HERPUD2: variants seen among roughly 807,000 people sequenced by gnomAD.
HERPUD2 encodes homocysteine-responsive endoplasmic reticulum-resident ubiquitin-like domain member 2 protein.
HERPUD2 carries 13 observed loss-of-function variants against 49.9 expected under a neutral mutation model. The observed-to-expected ratio is 0.26, with a 90% CI of 0.17 to 0.41. The LOEUF (loss-of-function observed/expected upper bound fraction) is 0.41. HERPUD2 is among the 10% of genes least tolerant of loss of function. The pLI is 1.00. For missense variants in HERPUD2, 449 were observed against 492.2 expected (o/e 0.91, Z 0.83); for synonymous variants, 172 against 171.4 (o/e 1.00, Z -0.03).
intron 5 of HERPUD2, among the ~76,000 whole-genome samples, chr7:35,667,066 G>A (rs903931451): frequency 5.9e-5 from 9 of 152,092 alleles, no homozygotes; most frequent in Non-Finnish European, 1.3e-4. Flanking sequence ...AATTAGTTAC[G>A]TAGATCCTTG....
intron 5 of HERPUD2, among the ~76,000 whole-genome samples, chr7:35,652,861 A>C (rs1030349307): frequency 2.0e-5 from 3 of 152,172 alleles, no homozygotes; most frequent in African/African-American, 4.8e-5. Flanking sequence ...CGGCCCTCCA[A>C]GAAATAATTA....
At chr7:35,687,315 A>T (rs1786084977) in intron 2 of HERPUD2, among the ~76,000 whole-genome samples, 2 of 152,184 alleles carry the variant, frequency 1.3e-5, no homozygotes, top group African/African-American at 4.8e-5. Context: ...TATAAATATA[A>T]TTGGCCTCTC....
At chr7:35,660,991 C>T (rs1412357747) in intron 5 of HERPUD2, among the ~76,000 whole-genome samples, 1 of 152,150 alleles carries the variant, frequency 6.6e-6, no homozygotes, top group Non-Finnish European at 1.5e-5. Flanking sequence ...AGGTTTTCTT[C>T]TTGGGTTTTT....
At chr7:35,686,380 G>A (rs1445126328) in intron 2 of HERPUD2, among the ~76,000 whole-genome samples, 4 of 147,660 alleles carry the variant, frequency 2.7e-5, no homozygotes, top group Non-Finnish European at 5.9e-5. Context: ...GTAGAGACGG[G>A]GTTTCACCGT....
intron 5 of HERPUD2, among the ~76,000 whole-genome samples, chr7:35,666,683 T>C (rs1368417583): frequency 6.6e-6 from 1 of 152,240 alleles, no homozygotes; most frequent in African/African-American, 2.4e-5. Context: ...CCAAACCATG[T>C]TCTCCAAGAT....
intron 6 of HERPUD2, among the ~76,000 whole-genome samples, chr7:35,637,186 G>T (rs1267505921): frequency 6.6e-6 from 1 of 151,084 alleles, no homozygotes; most frequent in Non-Finnish European, 1.5e-5. Flanking sequence ...TAGATAGATA[G>T]ATAGATAGAT....
chr7:35,642,860 G>C (rs1784988353), intron 5 of HERPUD2, among the ~76,000 whole-genome samples: 1 of 152,114 alleles, frequency 6.6e-6, no homozygotes, highest in Non-Finnish European at 1.5e-5. Context: ...CTGGGTACTA[G>C]GCTTAGTACC....
chr7:35,681,253 T>C lies in HERPUD2; in HGVS notation c.148-7975A>G, dbSNP rs1361821815. 1.1e-4 allele frequency among the ~76,000 whole-genome samples: 16 copies of C among 152,182 alleles called. No homozygotes were observed. In the South Asian group the frequency reaches 2.9e-3, roughly 28 times the overall value. On this transcript the variant is annotated intron_variant, in intron 2 of 8. Coordinates refer to ENST00000311350, the MANE Select transcript of HERPUD2 (RefSeq NM_022373.5). ...GCAAGGTCACATCAATTTTCAGAAATGTAGAACATACAAATGTAACAAAAT... is the reference window on the plus strand; with the variant it reads ...GCAAGGTCACATCAATTTTCAGAAACGTAGAACATACAAATGTAACAAAAT...
chr7:35,638,139 T>C (rs1784900923), intron 6 of HERPUD2, among the ~76,000 whole-genome samples: 1 of 152,222 alleles, frequency 6.6e-6, no homozygotes, highest in Non-Finnish European at 1.5e-5. Flanking sequence ...ATATTAAAAA[T>C]CTGAATACTG....
rs546081336 is a variant in HERPUD2, at chr7:35,667,377, G to A, written c.494+57C>T. 75 of 1,493,022 alleles carry A rather than the reference G, an allele frequency of 5.0e-5. No homozygotes were observed. The African/African-American group carries it at 9.0e-4, about 18-fold the overall frequency. 92.5% of individuals were successfully genotyped at this position (1,493,022 alleles called of 1,614,324 possible). A position where few individuals can be genotyped will look rare whatever the true frequency, so the allele number is the denominator to read the frequency against. ...AAAGAGGCTATAGTGAAACTCAAAA[G>A]CAATTCATTTTTAGGGGGCCCCAAT... On this transcript the variant is annotated intron_variant, in intron 5 of 8. Transcript: ENST00000311350.
intron 4 of HERPUD2, 47 bp downstream of exon 4, chr7:35,670,167 CG>C: frequency 1.1e-6 from 1 of 911,552 alleles, no homozygotes; most frequent in Non-Finnish European, 1.7e-6. Flanking sequence ...AAGACGACGA[CG>C]AAAAAAAAAG....
rs1411247677 is a variant in HERPUD2, at chr7:35,667,424, T to C, written c.494+10A>G. On this transcript the variant is annotated intron_variant, in intron 5 of 8. Coordinates refer to ENST00000311350, the MANE Select transcript of HERPUD2 (RefSeq NM_022373.5). ...CAATCACATTCCATAGCTACCACAA[T>C]TTCACTTACCCTTGCATTACATATG... 1.2e-6 allele frequency: 2 copies of C among 1,603,074 alleles called. No individual in the cohort carries two copies.
intron 2 of HERPUD2, among the ~76,000 whole-genome samples, chr7:35,686,314 A>G (rs961551547): frequency 1.6e-4 from 24 of 149,852 alleles, no homozygotes; most frequent in African/African-American, 5.9e-4. Flanking sequence ...TCACGTCCCA[A>G]GTAGCTGGGA....
At chr7:35,664,627 C>T (rs955114511) in intron 5 of HERPUD2, among the ~76,000 whole-genome samples, 3 of 152,192 alleles carry the variant, frequency 2.0e-5, no homozygotes, top group Non-Finnish European at 4.4e-5. Flanking sequence ...CTTCTCACTT[C>T]ATTTCATTCA....
At chr7:35,650,457 A>C (rs1785140090) in intron 5 of HERPUD2, among the ~76,000 whole-genome samples, 1 of 152,028 alleles carries the variant, frequency 6.6e-6, no homozygotes, top group Non-Finnish European at 1.5e-5. Context: ...AGGAGTTCAC[A>C]ATGGGTCCCA....
chr7:35,689,085 TA>T (rs1176465166), intron 2 of HERPUD2, among the ~76,000 whole-genome samples: 1 of 152,098 alleles, frequency 6.6e-6, no homozygotes, highest in African/African-American at 2.4e-5. Context: ...TTTATTATGT[TA>T]AAAAAAGAAA....
intron 5 of HERPUD2, among the ~76,000 whole-genome samples, chr7:35,655,378 T>C (rs1481866653): frequency 6.6e-6 from 1 of 152,158 alleles, no homozygotes; most frequent in African/African-American, 2.4e-5. Context: ...TACATCATCA[T>C]CAAATGGGAT....
rs1466868481 is a variant in HERPUD2 at position 35,633,739 on chromosome 7, G to A, written c.1172C>T (p.Thr391Ile). 1 of 1,613,926 alleles carries A rather than the reference G, an allele frequency of 6.2e-7. No homozygotes were observed. Among genetic ancestry groups the A allele is most frequent in the Admixed American group, 1.7e-5 (1 of 60,012 alleles). Residue 391 changes from threonine to isoleucine, a missense_variant, in exon 9 of 9, where the codon ACC becomes ATC. Transcript: ENST00000311350. ...CTCTGGTATTAGTGAAGTAAAGAAG[G>A]TGGTGATGAAAGACCAAGCTGAAGC... ...LMASAWSFIT[T>I]FFTSLIPEGP...
In HERPUD2 at chr7:35,635,325, G is replaced by A; in HGVS notation, c.751C>T (p.Arg251Ter). ...PAPNLVAQEN[R>*]PMNENVQMNA... ...ATTTGAACATTCTCATTCATGGGTCGATTTTCTTGGGCCACTAGGTTTGGA... is the reference window on the plus strand; with the variant it reads ...ATTTGAACATTCTCATTCATGGGTCAATTTTCTTGGGCCACTAGGTTTGGA... The change falls in exon 7 of 9, where the codon CGA (arginine) becomes TGA (stop). Residue 251 changes from arginine to a stop codon, truncating the protein, a stop_gained. Transcript: ENST00000311350. LOFTEE classifies it high-confidence loss of function. 2 of 1,614,118 alleles carry A rather than the reference G, an allele frequency of 1.2e-6. No individual in the cohort carries two copies. Among genetic ancestry groups the A allele is most frequent in the East Asian group, 2.2e-5 (1 of 44,880 alleles).
Sources: allele counts gnomAD v4.1 joint callset (sites outside exome capture counted in the v4.1 genomes callset), GRCh38; gene constraint gnomAD v4.1.1; transcripts MANE v1.5; gene names NCBI Gene and HGNC (gene_info 2026-07-23, HGNC 2026-07-21).